Variants in CUX2 observed in about 807,000 individuals in gnomAD.
The protein encoded by CUX2 is homeobox protein cut-like 2.
A neutral mutation model predicts 144.8 loss-of-function variants in CUX2; 40 were observed. That is an observed-to-expected ratio of 0.28 (90% CI 0.21 to 0.36). The LOEUF (loss-of-function observed/expected upper bound fraction) is 0.36, where lower values mean the gene tolerates loss of function less well. Ranked by LOEUF, CUX2 falls within the 10% of genes least tolerant of loss-of-function variation. CUX2 has a pLI of 1.00. For synonymous variants in CUX2, 827 were observed against 875.6 expected, an observed-to-expected ratio of 0.94 and a Z score of 0.98; for missense variants, 1,615 against 1,994.0, an observed-to-expected ratio of 0.81 and a Z score of 3.62.
intron 3 of CUX2, among the ~76,000 whole-genome samples, chr12:111,261,672 G>A (rs1217721495): frequency 6.6e-6 from 1 of 152,120 alleles, no homozygotes; most frequent in Non-Finnish European, 1.5e-5. Context: ...AGGCCGAGGT[G>A]GGCAGATCAC....
In CUX2 at chr12:111,332,057, C is replaced by T. The variant is rs147007044; in HGVS notation, c.2927-2384C>T. On this transcript the variant is annotated intron_variant, in intron 18 of 21. Transcript: ENST00000261726. Reference sequence around the variant, plus strand: ...TCATGCCACTGCACTCCAGCCTGGGCGACAGAGTGAGTGAGACTCCATCTC... The same window carrying T: ...TCATGCCACTGCACTCCAGCCTGGGTGACAGAGTGAGTGAGACTCCATCTC... Among the ~76,000 whole-genome samples, 322 of 147,714 alleles carry T rather than the reference C, an allele frequency of 2.2e-3. 1 individual carries two copies. The highest frequency in any genetic ancestry group is 0.011 in the Middle Eastern group (3 of 278).
At chr12:111,313,909 G>A (rs919398599) in intron 16 of CUX2, among the ~76,000 whole-genome samples, 4 of 152,162 alleles carry the variant, frequency 2.6e-5, no homozygotes, top group Non-Finnish European at 4.4e-5. Context: ...CCTGGACTCC[G>A]GTTTCAAAGC....
intron 16 of CUX2, among the ~76,000 whole-genome samples, chr12:111,318,238 C>CTTTTTTTTT (rs955839240): frequency 1.8e-5 from 2 of 109,652 alleles, no homozygotes; most frequent in African/African-American, 4.8e-5. Context: ...ATTTTTTTTT[C>CTTTTTTTTT]TTTTTTCTTT....
intron 1 of CUX2, among the ~76,000 whole-genome samples, chr12:111,097,936 A>T (rs1042614659): frequency 6.6e-6 from 1 of 152,170 alleles, no homozygotes; most frequent in Non-Finnish European, 1.5e-5. Flanking sequence ...AGGCCACCAC[A>T]TGGAGTTTGG....
intron 1 of CUX2, among the ~76,000 whole-genome samples, chr12:111,207,734 C>T (rs767805889): frequency 1.3e-5 from 2 of 152,062 alleles, no homozygotes; most frequent in Non-Finnish European, 2.9e-5. Flanking sequence ...TAACTATGAG[C>T]TATTGTTTCC....
intron 1 of CUX2, among the ~76,000 whole-genome samples, chr12:111,209,252 C>G (rs777022805): frequency 6.6e-6 from 1 of 152,160 alleles, no homozygotes; most frequent in African/African-American, 2.4e-5. Flanking sequence ...TAAAAACTAG[C>G]CTGGCGTGGT....
chr12:111,325,143 A>G (rs1157400804), intron 18 of CUX2, among the ~76,000 whole-genome samples: 2 of 151,526 alleles, frequency 1.3e-5, no homozygotes, highest in African/African-American at 4.8e-5. Context: ...AAAAAAAAAA[A>G]ATTATCCGGG....
intron 1 of CUX2, among the ~76,000 whole-genome samples, chr12:111,136,195 C>T (rs770890761): frequency 1.3e-5 from 2 of 150,576 alleles, no homozygotes; most frequent in Non-Finnish European, 3.0e-5. Context: ...TGTTCCTGCA[C>T]GTGATGAGGG....
chr12:111,307,914 C>CA lies in CUX2; in HGVS notation c.1110-370dup, dbSNP rs1291650403. 6.6e-6 allele frequency among the ~76,000 whole-genome samples: 1 copy of CA among 152,160 alleles called. No homozygotes were observed. On this transcript the variant is annotated intron_variant, in intron 12 of 21. Transcript: ENST00000261726. The surrounding 1 kb of genome is among the most constrained non-coding windows in gnomAD (Gnocchi z 4.1). ...AGGAGAATCGCTTGAACCTGGGAGGCAGAGATCGTGCCACTGCACTCCAGC... is the reference window on the plus strand; with the variant it reads ...AGGAGAATCGCTTGAACCTGGGAGGCAAGAGATCGTGCCACTGCACTCCAGC...
chr12:111,269,358 C>G (rs770483395), intron 4 of CUX2, among the ~76,000 whole-genome samples: 1 of 152,182 alleles, frequency 6.6e-6, no homozygotes, highest in Non-Finnish European at 1.5e-5. Context: ...GATACTTCAT[C>G]AGTGAGACCC....
At chr12:111,330,711 AT>A (rs1344404998) in intron 18 of CUX2, among the ~76,000 whole-genome samples, 1 of 28,232 alleles carries the variant, frequency 3.5e-5, no homozygotes, top group African/African-American at 1.6e-4. Flanking sequence ...ATATATATAT[AT>A]ATATATATAT....
intron 1 of CUX2, among the ~76,000 whole-genome samples, chr12:111,197,878 C>G (rs1019635553): frequency 2.6e-5 from 4 of 152,182 alleles, no homozygotes; most frequent in Non-Finnish European, 5.9e-5. Context: ...CCTAAAACAT[C>G]AGGATGTGCT....
intron 1 of CUX2, among the ~76,000 whole-genome samples, chr12:111,153,963 T>C (rs1426859011): frequency 6.6e-6 from 1 of 152,180 alleles, no homozygotes; most frequent in Non-Finnish European, 1.5e-5. Flanking sequence ...TCATTTCTTC[T>C]GTGTTTCTGG....
At position 111,296,405 on chromosome 12, in the gene CUX2, C is replaced by CTGGGT. The variant is rs1885994099; in HGVS notation, c.638-68_638-67insTGGGT. 48 of 1,449,644 alleles carry CTGGGT rather than the reference C, an allele frequency of 3.3e-5. No homozygotes were observed. The South Asian group carries it at 5.9e-4, about 18-fold the overall frequency. The allele number at this position is 1,449,644 out of a possible 1,614,324, so 89.8% of individuals were successfully genotyped here. On this transcript the variant is annotated intron_variant, in intron 7 of 21. Coordinates refer to ENST00000261726, the MANE Select transcript of CUX2 (RefSeq NM_015267.4). ...GGCTTCGCAGAAGGAGTGGGCTCCA[C>CTGGGT]CTCCCTGGGAGACCCAGCTCCTTCC...
At chr12:111,166,977 C>T (rs983247764) in intron 1 of CUX2, among the ~76,000 whole-genome samples, 2 of 152,140 alleles carry the variant, frequency 1.3e-5, no homozygotes, top group Non-Finnish European at 2.9e-5. Flanking sequence ...TATTCGGCAA[C>T]CTTGCCTGGG....
At chr12:111,267,882 T>C (rs1381770133) in intron 4 of CUX2, among the ~76,000 whole-genome samples, 2 of 152,210 alleles carry the variant, frequency 1.3e-5, no homozygotes. Context: ...AGTGCAGTAG[T>C]GTGATCATAG....
At chr12:111,226,933 C>T (rs1445167304) in intron 3 of CUX2, among the ~76,000 whole-genome samples, 1 of 152,202 alleles carries the variant, frequency 6.6e-6, no homozygotes, top group Non-Finnish European at 1.5e-5. Flanking sequence ...CGGGGCCAGT[C>T]GGTGGGGAGA....
rs75682725 is a variant in CUX2, at chr12:111,111,549, C to T, written c.63+77309C>T. On this transcript the variant is annotated intron_variant, in intron 1 of 21. Transcript: ENST00000261726. ...GCAGCCATCAGATGTCAAACTTCTA[C>T]GTTAATAGAATCCTTTGGCAGTGAT... is the stretch of plus-strand genomic sequence containing the variant. Among the ~76,000 whole-genome samples the T allele has an allele frequency of 4.4e-3, 672 of 152,290 alleles. 3 individuals carry two copies. The highest frequency in any genetic ancestry group is 0.015 in the African/African-American group (644 of 41,576).
At chr12:111,213,366 G>A (rs1470558126) in intron 1 of CUX2, among the ~76,000 whole-genome samples, 1 of 152,214 alleles carries the variant, frequency 6.6e-6, no homozygotes, top group African/African-American at 2.4e-5. Context: ...TTCAAGAGGG[G>A]TGATCAAATA....
Sources: gnomAD v4.1 joint callset for allele counts (sites outside exome capture counted in the v4.1 genomes callset) on GRCh38, gnomAD v4.1.1 for gene constraint, Gnocchi (gnomAD v3.1) non-coding constraint, MANE v1.5 for transcripts, NCBI Gene and HGNC (gene_info 2026-07-23, HGNC 2026-07-21) for gene names.